FAF1: variants seen among roughly 807,000 people sequenced by gnomAD.
FAF1 encodes the protein FAS-associated factor 1.
FAF1 carries 25 observed loss-of-function variants against 92.5 expected under a neutral mutation model. The ratio of observed to expected loss-of-function variants is 0.27; its 90% CI spans 0.20 to 0.38. FAF1 has a LOEUF of 0.38. Ranked by LOEUF, FAF1 falls within the 10% of genes least tolerant of loss-of-function variation. The pLI, the probability that FAF1 is intolerant of heterozygous loss-of-function variation, is 1.00. For synonymous variants in FAF1, 234 were observed against 273.2 expected (o/e 0.86, Z 1.42); for missense variants, 636 against 793.3 (o/e 0.80, Z 2.38).
intron 3 of FAF1, among the ~76,000 whole-genome samples, chr1:50,801,129 C>T (rs983060049): frequency 1.3e-5 from 2 of 152,198 alleles, no homozygotes. Context: ...CTTGTTAACA[C>T]TGGATACTTC....
intron 12 of FAF1, among the ~76,000 whole-genome samples, chr1:50,580,548 AT>A (rs1433405938): frequency 6.6e-6 from 1 of 151,706 alleles, no homozygotes; most frequent in African/African-American, 2.4e-5. Flanking sequence ...AATTTAAATA[AT>A]TTTTTATAAT....
intron 1 of FAF1, among the ~76,000 whole-genome samples, chr1:50,873,177 T>C (rs1254049977): frequency 6.6e-6 from 1 of 152,144 alleles, no homozygotes; most frequent in Non-Finnish European, 1.5e-5. Context: ...GTACATGCTT[T>C]TCTTTTTAAG....
intron 1 of FAF1, among the ~76,000 whole-genome samples, chr1:50,859,848 T>C (rs1320206405): frequency 2.0e-5 from 3 of 151,972 alleles, no homozygotes; most frequent in Non-Finnish European, 4.4e-5. Flanking sequence ...CTTCAAACTA[T>C]ACTGTAAGGA....
chr1:50,562,838 C>CTTCTGCATCTGTGGG lies in FAF1; in HGVS notation c.1268+4224_1268+4238dup, dbSNP rs370423156. Among the ~76,000 whole-genome samples the CTTCTGCATCTGTGGG allele has an allele frequency of 4.6e-5, 7 of 152,272 alleles. No homozygotes were observed. In the East Asian group the frequency reaches 5.8e-4, roughly 13 times the overall value. ...AACAAACATAAGAAACACAGTTGGT[C>CTTCTGCATCTGTGGG]TTCTGCATCTGTGGGTTCTGCATCT... On this transcript the variant is annotated intron_variant, in intron 13 of 18. Coordinates refer to ENST00000396153, the MANE Select transcript of FAF1 (RefSeq NM_007051.3).
intron 1 of FAF1, among the ~76,000 whole-genome samples, chr1:50,924,769 G>A (rs530970778): frequency 2.6e-5 from 4 of 152,288 alleles, no homozygotes; most frequent in African/African-American, 9.6e-5. Context: ...GATCACCTGA[G>A]TTCAAGAGTT....
At chr1:50,933,150 T>C (rs1645061571) in intron 1 of FAF1, among the ~76,000 whole-genome samples, 1 of 152,172 alleles carries the variant, frequency 6.6e-6, no homozygotes, top group Non-Finnish European at 1.5e-5. Context: ...CCAGGTAACA[T>C]TAGGCTCCTT....
At chr1:50,826,932 C>T (rs1227155531) in intron 2 of FAF1, among the ~76,000 whole-genome samples, 3 of 149,812 alleles carry the variant, frequency 2.0e-5, no homozygotes, top group South Asian at 2.1e-4. Flanking sequence ...AAGTGAGGAG[C>T]GCCTGTGCCC....
At chr1:50,505,870 T>C (rs1647052421) in intron 15 of FAF1, among the ~76,000 whole-genome samples, 1 of 152,136 alleles carries the variant, frequency 6.6e-6, no homozygotes, top group Non-Finnish European at 1.5e-5. Flanking sequence ...AAAATCCTAA[T>C]GGGATTTAAA....
intron 5 of FAF1, among the ~76,000 whole-genome samples, chr1:50,739,422 ATG>A (rs1659297173): frequency 6.6e-6 from 1 of 151,986 alleles, no homozygotes; most frequent in African/African-American, 2.4e-5. Flanking sequence ...ATGTGAGTGT[ATG>A]TGTATGTGTG....
At chr1:50,533,727 T>C (rs1297851964) in intron 15 of FAF1, among the ~76,000 whole-genome samples, 1 of 152,194 alleles carries the variant, frequency 6.6e-6, no homozygotes, top group Non-Finnish European at 1.5e-5. Context: ...GGAAATCTTT[T>C]AAAAAGAAAT....
intron 18 of FAF1, among the ~76,000 whole-genome samples, chr1:50,444,249 A>G (rs79278986): frequency 0.01 from 1,589 of 152,300 alleles, 28 homozygotes; most frequent in African/African-American, 0.036. Flanking sequence ...CCCATTCAAG[A>G]AGGACATGGA....
chr1:50,617,758 C>G (rs1203430850), intron 8 of FAF1, among the ~76,000 whole-genome samples: 3 of 148,674 alleles, frequency 2.0e-5, no homozygotes, highest in Non-Finnish European at 4.4e-5. Context: ...AGGTGTCTGG[C>G]AGAATTCAGC....
intron 6 of FAF1, among the ~76,000 whole-genome samples, chr1:50,724,237 CAAA>C (rs79635813): frequency 2.1e-4 from 19 of 88,846 alleles, no homozygotes; most frequent in East Asian, 1.2e-3. Context: ...GACTGTCTTT[CAAA>C]AAAAAAAAAA....
chr1:50,714,168 AT>A lies in FAF1; in HGVS notation c.552-8278del, dbSNP rs527939944. On this transcript the variant is annotated intron_variant, in intron 6 of 18. Coordinates refer to ENST00000396153, the MANE Select transcript of FAF1 (RefSeq NM_007051.3). ...TCATTCTCTCTTCACTGGTATAAAT[AT>A]TTTTTTTCTTCATTATGATTTTTTT... 2.0e-4 allele frequency among the ~76,000 whole-genome samples: 31 copies of A among 151,476 alleles called. No individual in the cohort carries two copies. The South Asian group carries it at 4.8e-3, about 23-fold the overall frequency.
intron 6 of FAF1, among the ~76,000 whole-genome samples, chr1:50,735,974 C>T (rs1453967498): frequency 6.6e-6 from 1 of 152,198 alleles, no homozygotes; most frequent in African/African-American, 2.4e-5. Context: ...CCACCTCAGC[C>T]TCCCAAAGTG....
chr1:50,900,888 T>C (rs1451174323), intron 1 of FAF1, among the ~76,000 whole-genome samples: 1 of 152,144 alleles, frequency 6.6e-6, no homozygotes, highest in Non-Finnish European at 1.5e-5. Context: ...AGATTTCTAA[T>C]AGAGGTAAAA....
chr1:50,773,879 C>T (rs766484060), intron 4 of FAF1, among the ~76,000 whole-genome samples: 15 of 152,084 alleles, frequency 9.9e-5, no homozygotes, highest in Non-Finnish European at 1.6e-4. Context: ...ATGACGGATA[C>T]GTATTTACTC....
intron 7 of FAF1, among the ~76,000 whole-genome samples, chr1:50,662,597 G>C (rs1407077425): frequency 1.3e-5 from 2 of 150,978 alleles, no homozygotes; most frequent in Non-Finnish European, 3.0e-5. Context: ...AGTCTGATGT[G>C]GGTGAAAGCA....
At chr1:50,647,139 A>G (rs1654634835) in intron 8 of FAF1, among the ~76,000 whole-genome samples, 1 of 152,104 alleles carries the variant, frequency 6.6e-6, no homozygotes, top group Non-Finnish European at 1.5e-5. Context: ...ATGAGCCACC[A>G]TGCCCAGCCT....
Sources: allele counts gnomAD v4.1 joint callset (sites outside exome capture counted in the v4.1 genomes callset), GRCh38; gene constraint gnomAD v4.1.1; transcripts MANE v1.5; gene names NCBI Gene and HGNC (gene_info 2026-07-23, HGNC 2026-07-21).